The following AGPAT4 variants were observed in gnomAD, a reference collection of about 807,000 sequenced individuals.
AGPAT4 encodes 1-acyl-sn-glycerol-3-phosphate acyltransferase delta.
In AGPAT4, 15 loss-of-function variants were observed where a neutral mutation model predicts 48.0. The ratio of observed to expected loss-of-function variants is 0.31; its 90% CI spans 0.21 to 0.48. The LOEUF (loss-of-function observed/expected upper bound fraction) is 0.48, where lower values mean the gene tolerates loss of function less well. AGPAT4 is among the 20% of genes least tolerant of loss of function. The probability of loss-of-function intolerance (pLI) is 0.99; values close to 1 mark genes in which losing one functional copy is unlikely to be tolerated. For missense variants in AGPAT4, 314 were observed against 482.5 expected (o/e 0.65, Z 3.27); for synonymous variants, 178 against 198.7 (o/e 0.90, Z 0.88).
chr6:161,208,586 C>CA lies in AGPAT4; in HGVS notation c.178+23449dup, dbSNP rs571571410. Among the ~76,000 whole-genome samples, 7 of 151,594 alleles carry CA rather than the reference C, an allele frequency of 4.6e-5. No homozygotes were observed. In the South Asian group the frequency reaches 1.0e-3, roughly 23 times the overall value. On this transcript the variant is annotated intron_variant, in intron 2 of 8. Transcript: ENST00000320285. The surrounding 1 kb of genome is among the most constrained non-coding windows in gnomAD (Gnocchi z 4.6). ...TTGAATTCACTTAAAACAACGATAG[C>CA]AAAAAAATACTTGCAATGAACAACT...
rs934934204 is a variant in AGPAT4, at chr6:161,158,335, C to T, written c.349-4025G>A. 1.3e-5 allele frequency among the ~76,000 whole-genome samples: 2 copies of T among 152,148 alleles called. No individual in the cohort carries two copies. The highest frequency in any genetic ancestry group is 2.9e-5 in the Non-Finnish European group (2 of 68,042). On this transcript the variant is annotated intron_variant, in intron 3 of 8. Transcript: ENST00000320285. This position sits in a 1 kb window ranked among gnomAD's most constrained non-coding sequence, Gnocchi z 5.3. ...GCCAACAGCTTTCAGAGAGAATGTA[C>T]AAGAAAATATACTAATTTCATCAAT...
intron 2 of AGPAT4, among the ~76,000 whole-genome samples, chr6:161,182,122 G>T (rs1160255387): frequency 2.6e-5 from 4 of 152,014 alleles, no homozygotes; most frequent in Non-Finnish European, 4.4e-5. Flanking sequence ...GCAGATTCTT[G>T]ATGACACCAG....
At chr6:161,185,346 A>G (rs1388410870) in intron 2 of AGPAT4, among the ~76,000 whole-genome samples, 2 of 139,060 alleles carry the variant, frequency 1.4e-5, no homozygotes, top group African/African-American at 5.5e-5. Flanking sequence ...GCTGGAGTGC[A>G]GTAGTGCAAT....
rs1389558503 is a variant in AGPAT4, at chr6:161,254,568, C to T, written c.-90+19370G>A. On this transcript the variant is annotated intron_variant, in intron 1 of 8. Transcript: ENST00000320285. The surrounding 1 kb of genome is among the most constrained non-coding windows in gnomAD (Gnocchi z 5.9). ...GCCATGTTCTTTATGTCCTTTCACT[C>T]CTCTGCTTACAGTAAGAAATAACTA... Among the ~76,000 whole-genome samples, 1 of 152,212 alleles carries T rather than the reference C, an allele frequency of 6.6e-6. No homozygotes were observed.
chr6:161,162,841 C>G (rs1306542842), intron 3 of AGPAT4, among the ~76,000 whole-genome samples: 1 of 152,254 alleles, frequency 6.6e-6, no homozygotes, highest in East Asian at 1.9e-4. Context: ...CAGCCGGGAC[C>G]TGCTAAGGGA....
At chr6:161,174,464 T>C (rs1359423563) in intron 2 of AGPAT4, among the ~76,000 whole-genome samples, 3 of 152,194 alleles carry the variant, frequency 2.0e-5, no homozygotes, top group Admixed American at 6.5e-5. Flanking sequence ...TATTGGTGTA[T>C]AGGAATGCTT....
intron 2 of AGPAT4, among the ~76,000 whole-genome samples, chr6:161,211,306 T>C (rs371667827): frequency 1.3e-5 from 2 of 152,124 alleles, no homozygotes; most frequent in African/African-American, 2.4e-5. Flanking sequence ...ATAGAAAACA[T>C]TCTCTCCAAA....
Position 161,231,002 on chromosome 6 carries a change from C to A in AGPAT4, c.178+1034G>T, listed in dbSNP as rs1456702730. Among the ~76,000 whole-genome samples the A allele has an allele frequency of 6.6e-6, 1 of 152,052 alleles. No individual in the cohort carries two copies. Among genetic ancestry groups the A allele is most frequent in the African/African-American group, 2.4e-5 (1 of 41,396 alleles). ...AAATAAGACTGGATAAGTGGTAATC[C>A]ATTTGGATAATTATACATAGCTTGA... is the stretch of plus-strand genomic sequence containing the variant. On this transcript the variant is annotated intron_variant, in intron 2 of 8. Coordinates refer to ENST00000320285, the MANE Select transcript of AGPAT4 (RefSeq NM_020133.3). The surrounding 1 kb of genome is among the most constrained non-coding windows in gnomAD (Gnocchi z 5.3).
rs1015258121 is a variant in AGPAT4, at chr6:161,223,225, C to T, written c.178+8811G>A. Among the ~76,000 whole-genome samples, 1 of 152,188 alleles carries T rather than the reference C, an allele frequency of 6.6e-6. No homozygotes were observed. The highest frequency in any genetic ancestry group is 6.5e-5 in the Admixed American group (1 of 15,288). On this transcript the variant is annotated intron_variant, in intron 2 of 8. Transcript: ENST00000320285. The surrounding 1 kb of genome is among the most constrained non-coding windows in gnomAD (Gnocchi z 6.3). The stretch of plus-strand genomic sequence containing the variant: ...CAGGTGCTGACCCCAGTGCCTGGCC[C>T]CCTGGACTGAGCTTGGGTGCACGTT...
chr6:161,264,029 T>C lies in AGPAT4; in HGVS notation c.-90+9909A>G, dbSNP rs1783176935. Among the ~76,000 whole-genome samples, 1 of 152,132 alleles carries C rather than the reference T, an allele frequency of 6.6e-6. No individual in the cohort carries two copies. The highest frequency in any genetic ancestry group is 1.5e-5 in the Non-Finnish European group (1 of 68,024). ...GAAAATAATTGGCAACCCACAGGGC[T>C]GGGGGCAAGCTGAAATGAGGTGTTA... On this transcript the variant is annotated intron_variant, in intron 1 of 8. Coordinates refer to ENST00000320285, the MANE Select transcript of AGPAT4 (RefSeq NM_020133.3). The surrounding 1 kb of genome is among the most constrained non-coding windows in gnomAD (Gnocchi z 6.8).
chr6:161,204,326 C>A lies in AGPAT4; in HGVS notation c.178+27710G>T, dbSNP rs879502161. On this transcript the variant is annotated intron_variant, in intron 2 of 8. Transcript: ENST00000320285. This position sits in a 1 kb window ranked among gnomAD's most constrained non-coding sequence, Gnocchi z 4.4. ...GATGATCTCTAAGTTGGCCCGAATACATTTTCAATCACTGCATTCTCAAAA... is the reference window on the plus strand; with the variant it reads ...GATGATCTCTAAGTTGGCCCGAATAAATTTTCAATCACTGCATTCTCAAAA... Among the ~76,000 whole-genome samples, 5 of 152,172 alleles carry A rather than the reference C, an allele frequency of 3.3e-5. No homozygotes were observed. Among genetic ancestry groups the A allele is most frequent in the Non-Finnish European group, 5.9e-5 (4 of 68,032 alleles).
rs1781258911 is a variant in AGPAT4 at position 161,202,334 on chromosome 6, C to A, written c.178+29702G>T. Among the ~76,000 whole-genome samples, 1 of 151,716 alleles carries A rather than the reference C, an allele frequency of 6.6e-6. No homozygotes were observed. Among genetic ancestry groups the A allele is most frequent in the Non-Finnish European group, 1.5e-5 (1 of 67,952 alleles). On this transcript the variant is annotated intron_variant, in intron 2 of 8. Transcript: ENST00000320285. The surrounding 1 kb of genome is among the most constrained non-coding windows in gnomAD (Gnocchi z 5.4). The stretch of plus-strand genomic sequence containing the variant: ...AGATCTCAATTCCTCTTCTCATGGG[C>A]CCGTCTGAGTGATGCCTGAATGTCT...
In AGPAT4 at chr6:161,262,953, C is replaced by G. The variant is rs961076855; in HGVS notation, c.-90+10985G>C. ...AGAGGCCAGGAGGAGCAAAGCAAGC[C>G]CTGGGCTATTCCAGAGAAAGCGAGG... On this transcript the variant is annotated intron_variant, in intron 1 of 8. Transcript: ENST00000320285. The surrounding 1 kb of genome is among the most constrained non-coding windows in gnomAD (Gnocchi z 4.9). Among the ~76,000 whole-genome samples the G allele has an allele frequency of 3.9e-5, 6 of 152,214 alleles. No homozygotes were observed. The highest frequency in any genetic ancestry group is 3.3e-4 in the Admixed American group (5 of 15,288).
Position 161,180,253 on chromosome 6 carries a change from C to T in AGPAT4, c.179-13836G>A, listed in dbSNP as rs1780545896. On this transcript the variant is annotated intron_variant, in intron 2 of 8. Coordinates refer to ENST00000320285, the MANE Select transcript of AGPAT4 (RefSeq NM_020133.3). The surrounding 1 kb of genome is among the most constrained non-coding windows in gnomAD (Gnocchi z 6.4). ...CATTCCCCAAGGCTCCTGCTCCTTCCTCGCTCCAGTGGGTGGGCCCAGCTC... is the reference window on the plus strand; with the variant it reads ...CATTCCCCAAGGCTCCTGCTCCTTCTTCGCTCCAGTGGGTGGGCCCAGCTC... Among the ~76,000 whole-genome samples, 4 of 152,206 alleles carry T rather than the reference C, an allele frequency of 2.6e-5. No homozygotes were observed. The South Asian group carries it at 8.3e-4, about 31-fold the overall frequency.
intron 2 of AGPAT4, among the ~76,000 whole-genome samples, chr6:161,192,589 C>T (rs1001123921): frequency 6.6e-6 from 1 of 152,210 alleles, no homozygotes; most frequent in Non-Finnish European, 1.5e-5. Context: ...TCATTTACAT[C>T]TATCCACGTA....
At chr6:161,172,650 T>G (rs985287346) in intron 2 of AGPAT4, among the ~76,000 whole-genome samples, 2 of 152,194 alleles carry the variant, frequency 1.3e-5, no homozygotes, top group Non-Finnish European at 2.9e-5. Context: ...TTTTATTTAT[T>G]ATTATTATTA....
rs776298772 is a variant in AGPAT4 at position 161,165,683 on chromosome 6, A to G, written c.348+565T>C. 1.2e-4 allele frequency: 152 copies of G among 1,256,436 alleles called. No homozygotes were observed. Among genetic ancestry groups the G allele is most frequent in the Non-Finnish European group, 1.5e-4 (140 of 945,034 alleles). 77.8% of individuals were successfully genotyped at this position (1,256,436 alleles called of 1,614,324 possible). A position where few individuals can be genotyped will look rare whatever the true frequency, so the allele number is the denominator to read the frequency against. On this transcript the variant is annotated intron_variant, in intron 3 of 8. Transcript: ENST00000320285. This position sits in a 1 kb window ranked among gnomAD's most constrained non-coding sequence, Gnocchi z 5.5. ...AGTCAACTGAAGAGACCCAGTTCCA[A>G]AGGCATGCAAGCTACGTGCAAGAGG...
chr6:161,168,911 G>C (rs1171198884), intron 2 of AGPAT4, among the ~76,000 whole-genome samples: 1 of 152,230 alleles, frequency 6.6e-6, no homozygotes, highest in African/African-American at 2.4e-5. Context: ...TCTCTGTAAA[G>C]TAGGGACAGG....
At chr6:161,152,264 C>T (rs1296694917) in intron 5 of AGPAT4, among the ~76,000 whole-genome samples, 1 of 150,860 alleles carries the variant, frequency 6.6e-6, no homozygotes, top group Non-Finnish European at 1.5e-5. Flanking sequence ...AACTGGTTAA[C>T]AGGGCTAAGG....
Sources: gnomAD v4.1 joint callset for allele counts (sites outside exome capture counted in the v4.1 genomes callset) on GRCh38, gnomAD v4.1.1 for gene constraint, Gnocchi (gnomAD v3.1) non-coding constraint, MANE v1.5 for transcripts, NCBI Gene and HGNC (gene_info 2026-07-23, HGNC 2026-07-21) for gene names.